LTBP2: variants seen among roughly 807,000 people sequenced by gnomAD.
The protein encoded by LTBP2 is latent-transforming growth factor beta-binding protein 2.
In LTBP2, 103 loss-of-function variants were observed where a neutral mutation model predicts 210.6. The observed-to-expected ratio is 0.49, with a 90% CI of 0.42 to 0.58. The LOEUF (loss-of-function observed/expected upper bound fraction) is 0.58. LTBP2 is among the 20% of genes least tolerant of loss of function. The probability of loss-of-function intolerance (pLI) is 0.00; values close to 1 mark genes in which losing one functional copy is unlikely to be tolerated. For synonymous variants in LTBP2, 1,007 were observed against 1,015.0 expected (o/e 0.99, Z 0.15); for missense variants, 2,313 against 2,494.5 (o/e 0.93, Z 1.55).
At chr14:74,591,080 C>T (rs1276374003) in intron 2 of LTBP2, among the ~76,000 whole-genome samples, 1 of 152,198 alleles carries the variant, frequency 6.6e-6, no homozygotes, top group Non-Finnish European at 1.5e-5. Flanking sequence ...CGGCACACCA[C>T]GACTCACTTA....
chr14:74,534,914 C>T lies in LTBP2; in HGVS notation c.1864+1012G>A, dbSNP rs923167984. 2.6e-5 allele frequency among the ~76,000 whole-genome samples: 4 copies of T among 152,098 alleles called. No homozygotes were observed. In the South Asian group the frequency reaches 6.2e-4, roughly 24 times the overall value. On this transcript the variant is annotated intron_variant, in intron 9 of 35. Transcript: ENST00000261978. ...GGCTCAGTAGAGGGAGGGCAGAGAG[C>T]CCATTTGAGATCCTGAGTATAACCT... is the stretch of plus-strand genomic sequence containing the variant.
In LTBP2 at chr14:74,528,585, G is replaced by A; in HGVS notation, c.2266C>T (p.Gln756Ter). The A allele has an allele frequency of 6.2e-7, 1 of 1,613,502 alleles. No individual in the cohort carries two copies. The highest frequency in any genetic ancestry group is 8.5e-7 in the Non-Finnish European group (1 of 1,180,052). The stretch of plus-strand genomic sequence containing the variant: ...AGTGCCCCGCTGCTCCTCTGCCCTT[G>A]CTCCCTTGGGGGCCTTGCCAGTTCC... ...EEELARPPRE[Q>*]GQRSSGALPG... Residue 756 changes from glutamine to a stop codon, truncating the protein, a stop_gained, in exon 12 of 36, where the codon CAA (glutamine) becomes TAA (stop). Coordinates refer to ENST00000261978, the MANE Select transcript of LTBP2 (RefSeq NM_000428.3). LOFTEE classifies it high-confidence loss of function.
chr14:74,551,172 G>A lies in LTBP2; in HGVS notation c.1578C>T (p.Ser526=), dbSNP rs777200909. ...PASPGHSLWD[S]NNIPARSGEP... ...CTCCAGACCGAGCAGGGATGTTGTT[G>A]CTGTCCCAGAGGCTGTGGCCAGGGC... The change falls in exon 7 of 36, where the codon AGC becomes AGT. Residue 526 remains serine (S), a synonymous_variant. Transcript: ENST00000261978. 2 of 1,613,962 alleles carry A rather than the reference G, an allele frequency of 1.2e-6. No homozygotes were observed. The highest frequency in any genetic ancestry group is 8.5e-7 in the Non-Finnish European group (1 of 1,180,030).
At chr14:74,601,444 G>T (rs1375664176) in intron 2 of LTBP2, among the ~76,000 whole-genome samples, 2 of 152,068 alleles carry the variant, frequency 1.3e-5, no homozygotes, top group Non-Finnish European at 2.9e-5. Flanking sequence ...TCTCCCCACC[G>T]GTGCCCCTGA....
intron 24 of LTBP2, 107 bp from the exon 25 acceptor site, chr14:74,508,202 T>A (rs2087016615): frequency 1.4e-6 from 2 of 1,396,050 alleles, no homozygotes; most frequent in African/African-American, 2.9e-5. Flanking sequence ...AGTCAGGGAG[T>A]GGCTTATGTA....
intron 18 of LTBP2, among the ~76,000 whole-genome samples, chr14:74,516,392 T>C (rs547899209): frequency 1.4e-5 from 1 of 72,150 alleles, no homozygotes; most frequent in African/African-American, 5.0e-5. Context: ...CTAGCATTTA[T>C]TGGGTGCTTA....
chr14:74,549,811 G>T, intron 8 of LTBP2, 52 bp downstream of exon 8: 1 of 1,468,416 alleles, frequency 6.8e-7, no homozygotes, highest in Non-Finnish European at 9.5e-7. Context: ...GGAGAGGGCA[G>T]GCCCAGGGAG....
chr14:74,582,127 C>A (rs1849731671), intron 3 of LTBP2, among the ~76,000 whole-genome samples: 4 of 150,336 alleles, frequency 2.7e-5, no homozygotes, highest in African/African-American at 7.4e-5. Flanking sequence ...TCAAGTGATT[C>A]TTCTCAAGCC....
At chr14:74,524,851 C>T (rs2087251375) in intron 15 of LTBP2, among the ~76,000 whole-genome samples, 2 of 152,190 alleles carry the variant, frequency 1.3e-5, no homozygotes, top group African/African-American at 4.8e-5. Flanking sequence ...CCTGGAAGAC[C>T]CCTGGCTTCC....
At chr14:74,512,465 C>T (rs2087083453) in intron 18 of LTBP2, among the ~76,000 whole-genome samples, 1 of 152,210 alleles carries the variant, frequency 6.6e-6, no homozygotes, top group African/African-American at 2.4e-5. Context: ...TGAACATAGG[C>T]TTTCTGCAGA....
In LTBP2 at chr14:74,551,128, G is replaced by A; in HGVS notation, c.1622C>T (p.Pro541Leu). 1.2e-6 allele frequency: 2 copies of A among 1,613,872 alleles called. No individual in the cohort carries two copies. Among genetic ancestry groups the A allele is most frequent in the Non-Finnish European group, 1.7e-6 (2 of 1,180,022 alleles). The stretch of plus-strand genomic sequence containing the variant: ...TCCTCGAGGCCTGGGTGCTGCTGGG[G>A]GCAGTGGCCGAGGGGGCTCTCCAGA... ...ARSGEPPRPL[P>L]PAAPRPRGLL... The change falls in exon 7 of 36, where the codon CCC (proline) becomes CTC (leucine). Residue 541 changes from proline (P) to leucine (L), a missense_variant. Transcript: ENST00000261978.
At chr14:74,566,053 C>T (rs528476981) in intron 3 of LTBP2, among the ~76,000 whole-genome samples, 6 of 151,582 alleles carry the variant, frequency 4.0e-5, no homozygotes, top group East Asian at 3.9e-4. Context: ...CGGACACGTG[C>T]GTGTGCCTAT....
intron 2 of LTBP2, among the ~76,000 whole-genome samples, chr14:74,595,605 C>G (rs61980917): frequency 2.0e-5 from 3 of 152,124 alleles, no homozygotes; most frequent in Non-Finnish European, 2.9e-5. Context: ...ACCAGCCCCG[C>G]GCCCAGGCCC....
Position 74,507,192 on chromosome 14 carries a change from G to C in LTBP2, c.3894C>G (p.Asn1298Lys). 6.2e-7 allele frequency: 1 copy of C among 1,614,118 alleles called. No homozygotes were observed. The highest frequency in any genetic ancestry group is 8.5e-7 in the Non-Finnish European group (1 of 1,180,004). The change falls in exon 26 of 36, where the codon AAC (asparagine) becomes AAG (lysine). Residue 1298 changes from asparagine to lysine, a missense_variant. Around this residue, in one of 3 missense-constraint regions of LTBP2, gnomAD observed 1,867 missense variants for 1,976.9 expected, o/e 0.94. Coordinates refer to ENST00000261978, the MANE Select transcript of LTBP2 (RefSeq NM_000428.3). Reference sequence around the variant, plus strand: ...CTCCCTACTCACCAATGCAGTCTCCGTTCGGGGCCATGTGGAAGCCAGGCT... The same window carrying C: ...CTCCCTACTCACCAATGCAGTCTCCCTTCGGGGCCATGTGGAAGCCAGGCT... Reference protein sequence around the residue: ...GCQPGFHMAPNGDCIDIDECA... With the variant: ...GCQPGFHMAPKGDCIDIDECA...
intron 19 of LTBP2, among the ~76,000 whole-genome samples, chr14:74,510,592 C>T (rs2139697630): frequency 6.6e-6 from 1 of 152,350 alleles, no homozygotes; most frequent in Admixed American, 6.5e-5. Context: ...CCAAACAACC[C>T]ACGATCCCAA....
intron 3 of LTBP2, among the ~76,000 whole-genome samples, chr14:74,564,089 A>T (rs1430413495): frequency 3.8e-5 from 1 of 26,440 alleles, no homozygotes; most frequent in African/African-American, 1.2e-4. Flanking sequence ...ATATATATTT[A>T]TATATATATT....
Position 74,586,142 on chromosome 14 carries a change from A to AC in LTBP2, c.566-25dup. 1 of 1,582,820 alleles carries AC rather than the reference A, an allele frequency of 6.3e-7. No individual in the cohort carries two copies. The highest frequency in any genetic ancestry group is 8.6e-7 in the Non-Finnish European group (1 of 1,165,812). On this transcript the variant is annotated intron_variant, in intron 2 of 35. Coordinates refer to ENST00000261978, the MANE Select transcript of LTBP2 (RefSeq NM_000428.3). This position sits in a 1 kb window ranked among gnomAD's most constrained non-coding sequence, Gnocchi z 4.6. Reference sequence around the variant, plus strand: ...GGCTGAGGACACAGGGAGAGAGGTGACAGCAGTGGCCATAGGGCACTGAGA... The same window carrying AC: ...GGCTGAGGACACAGGGAGAGAGGTGACCAGCAGTGGCCATAGGGCACTGAGA...
At chr14:74,519,951 A>G (rs974976129) in intron 17 of LTBP2, among the ~76,000 whole-genome samples, 22 of 152,064 alleles carry the variant, frequency 1.4e-4, no homozygotes, top group Admixed American at 1.2e-3. Context: ...GCCTGTTCTG[A>G]GCCCTGCCCC....
At position 74,535,031 on chromosome 14, in the gene LTBP2, A is replaced by G. The variant is rs373359516; in HGVS notation, c.1864+895T>C. Among the ~76,000 whole-genome samples the G allele has an allele frequency of 1.1e-4, 16 of 152,200 alleles. No individual in the cohort carries two copies. In the East Asian group the frequency reaches 2.5e-3, roughly 24 times the overall value. On this transcript the variant is annotated intron_variant, in intron 9 of 35. Coordinates refer to ENST00000261978, the MANE Select transcript of LTBP2 (RefSeq NM_000428.3). ...CCCGATGTACCCTCCAAAGGCAAAA[A>G]TACGTATTTCTCCCTACATCCACTG...
Sources: gnomAD v4.1 joint callset for allele counts (sites outside exome capture counted in the v4.1 genomes callset) on GRCh38, gnomAD v4.1.1 for gene constraint, gnomAD v4.1.1 regional missense constraint, Gnocchi (gnomAD v3.1) non-coding constraint, MANE v1.5 for transcripts, NCBI Gene and HGNC (gene_info 2026-07-23, HGNC 2026-07-21) for gene names.